Variants in KCNC2 observed in about 807,000 individuals in gnomAD.
KCNC2 encodes the protein voltage-gated potassium channel KCNC2.
Under a neutral mutation model 44.5 loss-of-function variants are expected in KCNC2, and 21 were observed. The ratio of observed to expected loss-of-function variants is 0.47; its 90% CI spans 0.33 to 0.68. The LOEUF is 0.68. KCNC2 is among the 30% of genes least tolerant of loss of function. The pLI is 0.01. For missense variants in KCNC2, 589 were observed against 826.2 expected, an observed-to-expected ratio of 0.71 and a Z score of 3.52; for synonymous variants, 391 against 339.1, an observed-to-expected ratio of 1.15 and a Z score of -1.68.
At position 75,089,284 on chromosome 12, in the gene KCNC2, A is replaced by T. The variant is rs528488586; in HGVS notation, c.688-37967T>A. ...CGCTAAAGTAATGTATTTAATCTGC[A>T]GTCAATTAATACATAAACTTTTATG... On this transcript the variant is annotated intron_variant, in intron 2 of 4. Coordinates refer to ENST00000549446, the MANE Select transcript of KCNC2 (RefSeq NM_139137.4). Among the ~76,000 whole-genome samples, 52 of 151,944 alleles carry T rather than the reference A, an allele frequency of 3.4e-4. 1 individual carries two copies. Among genetic ancestry groups the T allele is most frequent in the Non-Finnish European group, 7.4e-5 (5 of 67,808 alleles).
chr12:75,098,785 T>TAAAC (rs1240935010), intron 2 of KCNC2, among the ~76,000 whole-genome samples: 1 of 151,184 alleles, frequency 6.6e-6, no homozygotes, highest in Non-Finnish European at 1.5e-5. Flanking sequence ...AATAAATAAA[T>TAAAC]AAAGGAATGA....
At chr12:75,167,817 T>A (rs545550711) in intron 2 of KCNC2, among the ~76,000 whole-genome samples, 1 of 151,506 alleles carries the variant, frequency 6.6e-6, no homozygotes, top group Admixed American at 6.6e-5. Flanking sequence ...TATTTTATAA[T>A]AAAATTGAAT....
chr12:75,205,262 C>G (rs2031592747), intron 2 of KCNC2, among the ~76,000 whole-genome samples: 1 of 152,146 alleles, frequency 6.6e-6, no homozygotes. Flanking sequence ...CTGCAGTCTT[C>G]ATTTCCCTCA....
intron 2 of KCNC2, among the ~76,000 whole-genome samples, chr12:75,185,259 G>C (rs572161680): frequency 1.3e-4 from 20 of 152,212 alleles, no homozygotes; most frequent in Middle Eastern, 6.8e-3. Flanking sequence ...TTATGTGATT[G>C]ATAAGTTTCA....
Position 75,042,867 on chromosome 12 carries a change from A to G in KCNC2, c.*238T>C, listed in dbSNP as rs1483452947. 4 of 1,307,126 alleles carry G rather than the reference A, an allele frequency of 3.1e-6. No homozygotes were observed. The highest frequency in any genetic ancestry group is 2.9e-4 in the Middle Eastern group (1 of 3,508). The allele number at this position is 1,307,126 out of a possible 1,614,324, so 81.0% of individuals were successfully genotyped here. On this transcript the variant is annotated 3_prime_UTR_variant, in exon 5 of 5. Coordinates refer to ENST00000549446, the MANE Select transcript of KCNC2 (RefSeq NM_139137.4). ...ACACTATCTGTCATTTTATTGCAAA[A>G]GGATATCAGGGCAATTAATAGGAGG...
At chr12:75,134,207 A>T (rs865844458) in intron 2 of KCNC2, among the ~76,000 whole-genome samples, 2 of 151,970 alleles carry the variant, frequency 1.3e-5, no homozygotes, top group Non-Finnish European at 1.5e-5. Flanking sequence ...ATTAGAGCAT[A>T]GTACTTAAAA....
intron 2 of KCNC2, among the ~76,000 whole-genome samples, chr12:75,150,158 C>CA (rs1050367106): frequency 1.2e-4 from 18 of 151,764 alleles, no homozygotes; most frequent in Admixed American, 9.2e-4. Flanking sequence ...TCATAGGACA[C>CA]AAAAAATTCC....
intron 2 of KCNC2, among the ~76,000 whole-genome samples, chr12:75,089,050 G>A (rs943072384): frequency 1.1e-4 from 16 of 151,896 alleles, no homozygotes; most frequent in African/African-American, 3.9e-4. Flanking sequence ...ATTAATTTTG[G>A]AAGATTGACT....
intron 2 of KCNC2, among the ~76,000 whole-genome samples, chr12:75,183,004 G>A (rs1191043876): frequency 6.6e-6 from 1 of 152,240 alleles, no homozygotes; most frequent in Non-Finnish European, 1.5e-5. Flanking sequence ...AGGGAAGACA[G>A]ATGAATACAT....
At chr12:75,187,177 G>A (rs1893011759) in intron 2 of KCNC2, among the ~76,000 whole-genome samples, 1 of 152,146 alleles carries the variant, frequency 6.6e-6, no homozygotes, top group South Asian at 2.1e-4. Flanking sequence ...ACTTGTAAGA[G>A]GCTTTAATAC....
At chr12:75,073,316 G>A (rs1592807995) in intron 2 of KCNC2, among the ~76,000 whole-genome samples, 1 of 152,102 alleles carries the variant, frequency 6.6e-6, no homozygotes, top group Non-Finnish European at 1.5e-5. Context: ...TCTGCTAAGA[G>A]GAACTTTTGA....
chr12:75,142,439 A>C (rs1237365896), intron 2 of KCNC2, among the ~76,000 whole-genome samples: 1 of 152,202 alleles, frequency 6.6e-6, no homozygotes, highest in African/African-American at 2.4e-5. Context: ...CCTCTTGAGT[A>C]AGTGGTGTCA....
At chr12:75,095,754 C>G (rs536123273) in intron 2 of KCNC2, among the ~76,000 whole-genome samples, 2 of 151,814 alleles carry the variant, frequency 1.3e-5, no homozygotes, top group Non-Finnish European at 2.9e-5. Context: ...CTTAAAAATA[C>G]TTGTTGAGTA....
At chr12:75,127,791 T>C (rs1314592533) in intron 2 of KCNC2, among the ~76,000 whole-genome samples, 1 of 152,128 alleles carries the variant, frequency 6.6e-6, no homozygotes, top group Non-Finnish European at 1.5e-5. Context: ...ATAAAGGTCA[T>C]AATGATGAAC....
intron 2 of KCNC2, among the ~76,000 whole-genome samples, chr12:75,079,026 AG>A (rs1481834819): frequency 4.6e-5 from 7 of 152,176 alleles, no homozygotes; most frequent in African/African-American, 1.4e-4. Context: ...AAAACACAAA[AG>A]CTTCATAGTT....
chr12:75,117,798 T>G (rs1887778700), intron 2 of KCNC2, among the ~76,000 whole-genome samples: 1 of 152,138 alleles, frequency 6.6e-6, no homozygotes. Flanking sequence ...TCTTCATCTG[T>G]TTTTAAACGA....
At chr12:75,065,173 A>T (rs928330088) in intron 2 of KCNC2, among the ~76,000 whole-genome samples, 3 of 152,214 alleles carry the variant, frequency 2.0e-5, no homozygotes, top group Admixed American at 6.5e-5. Flanking sequence ...AGAAATAAAA[A>T]ATTAAATATG....
At chr12:75,088,746 C>T (rs1885232404) in intron 2 of KCNC2, among the ~76,000 whole-genome samples, 1 of 151,848 alleles carries the variant, frequency 6.6e-6, no homozygotes, top group African/African-American at 2.4e-5. Context: ...GGTGTTTTTG[C>T]AAGTTTTAGT....
At chr12:75,177,909 AAAG>A (rs1224594589) in intron 2 of KCNC2, among the ~76,000 whole-genome samples, 2 of 152,036 alleles carry the variant, frequency 1.3e-5, no homozygotes, top group Non-Finnish European at 2.9e-5. Flanking sequence ...ATTCTCTTAA[AAAG>A]AAGAAAAGTG....
Sources: allele counts gnomAD v4.1 joint callset (sites outside exome capture counted in the v4.1 genomes callset), GRCh38; gene constraint gnomAD v4.1.1; transcripts MANE v1.5; gene names NCBI Gene and HGNC (gene_info 2026-07-23, HGNC 2026-07-21).